Variants in NXPE2 observed in about 807,000 individuals in gnomAD.
NXPE2 encodes neurexophilin and PC-esterase domain family member 2.
A neutral mutation model predicts 34.4 loss-of-function variants in NXPE2; 34 were observed. The observed-to-expected ratio is 0.99, with a 90% confidence interval of 0.75 to 1.31. The LOEUF is 1.31. NXPE2 is among the 40% of genes most tolerant of loss of function. NXPE2 has a pLI of 0.00. For missense variants in NXPE2, 649 were observed against 672.5 expected, an observed-to-expected ratio of 0.97 and a Z score of 0.39; for synonymous variants, 235 against 231.3, an observed-to-expected ratio of 1.02 and a Z score of -0.15.
chr11:114,529,036 G>GA, the NXPE2 span: 10 of 403,466 alleles, frequency 2.5e-5, no homozygotes, highest in Non-Finnish European at 4.4e-5. Context: ...TAAGATTCTG[G>GA]AATGCATGTT....
At chr11:114,577,410 C>T in the NXPE2 span, among the ~76,000 whole-genome samples, 1 of 151,798 alleles carries the variant, frequency 6.6e-6, no homozygotes, top group Non-Finnish European at 1.5e-5. Flanking sequence ...AAAGGGTCAG[C>T]GTTGGCGAGG....
At chr11:114,471,306 A>G in the NXPE2 span, among the ~76,000 whole-genome samples, 1 of 150,516 alleles carries the variant, frequency 6.6e-6, no homozygotes, top group South Asian at 2.1e-4. Context: ...TAATTTTTGT[A>G]TATGGTGTGA....
the NXPE2 span, among the ~76,000 whole-genome samples, chr11:114,759,064 G>A: frequency 0.46 from 69,114 of 151,792 alleles, 16,036 homozygotes; most frequent in East Asian, 0.49. Context: ...ACACACGTGC[G>A]CAAACACACA....
chr11:114,522,958 A>G, the NXPE2 span: 2 of 1,613,758 alleles, frequency 1.2e-6, no homozygotes, highest in Non-Finnish European at 1.7e-6. Context: ...TGCCTTTCAA[A>G]CAGCCATTTA....
chr11:114,657,396 A>G, the NXPE2 span, among the ~76,000 whole-genome samples: 7 of 152,192 alleles, frequency 4.6e-5, no homozygotes, highest in Non-Finnish European at 7.4e-5. Flanking sequence ...CATTTTCTCT[A>G]ATTTGAATGT....
At chr11:114,515,777 GCAATTCA>G in the NXPE2 span, among the ~76,000 whole-genome samples, 9 of 98,700 alleles carry the variant, frequency 9.1e-5, 2 homozygotes, top group African/African-American at 5.1e-4. Flanking sequence ...CTGAAGTAGA[GCAATTCA>G]GGTGATAACA....
chr11:114,809,363 G>A, the NXPE2 span, among the ~76,000 whole-genome samples: 2 of 151,826 alleles, frequency 1.3e-5, no homozygotes, highest in African/African-American at 2.4e-5. Flanking sequence ...GCAGGAGAAG[G>A]AAAGAAAGGG....
chr11:114,485,745 G>A, the NXPE2 span, among the ~76,000 whole-genome samples: 1 of 152,054 alleles, frequency 6.6e-6, no homozygotes, highest in Admixed American at 6.6e-5. Context: ...GTGAGAACAC[G>A]TGAAGTTTTT....
At chr11:114,503,838 G>A in the NXPE2 span, among the ~76,000 whole-genome samples, 1 of 152,366 alleles carries the variant, frequency 6.6e-6, no homozygotes, top group African/African-American at 2.4e-5. Flanking sequence ...CCTACTGTCA[G>A]ACCTGATCTC....
At chr11:114,725,304 C>T in the NXPE2 span, among the ~76,000 whole-genome samples, 1 of 152,054 alleles carries the variant, frequency 6.6e-6, no homozygotes, top group African/African-American at 2.4e-5. Context: ...CCTTGACATC[C>T]ATTTTTAAAC....
chr11:114,651,735 A>T, the NXPE2 span, among the ~76,000 whole-genome samples: 8 of 152,148 alleles, frequency 5.3e-5, no homozygotes, highest in Admixed American at 5.2e-4. Context: ...TTACACACAG[A>T]GCGCTGATTG....
At chr11:114,755,473 C>A in the NXPE2 span, among the ~76,000 whole-genome samples, 1 of 152,140 alleles carries the variant, frequency 6.6e-6, no homozygotes, top group East Asian at 1.9e-4. Context: ...ATCCATGTAG[C>A]CTGCATATCC....
chr11:114,640,395 A>C, the NXPE2 span, among the ~76,000 whole-genome samples: 3 of 150,948 alleles, frequency 2.0e-5, no homozygotes, highest in Non-Finnish European at 4.4e-5. Flanking sequence ...TGTGTTCGTC[A>C]GTTGTGAATT....
At chr11:114,691,733 A>G (rs1396840373) in intron 2 of NXPE2, among the ~76,000 whole-genome samples, 1 of 152,184 alleles carries the variant, frequency 6.6e-6, no homozygotes, top group African/African-American at 2.4e-5. Flanking sequence ...AGTTGGTGCC[A>G]TGCTTGCATT....
chr11:114,569,955 G>T, the NXPE2 span, among the ~76,000 whole-genome samples: 1 of 152,152 alleles, frequency 6.6e-6, no homozygotes, highest in African/African-American at 2.4e-5. Context: ...TAGGCCCAGA[G>T]AGTGCCTGCT....
chr11:114,610,212 A>G, the NXPE2 span, among the ~76,000 whole-genome samples: 4 of 151,246 alleles, frequency 2.6e-5, no homozygotes, highest in African/African-American at 9.7e-5. Context: ...ACTGTTACCC[A>G]GTCAATAATA....
chr11:114,568,759 T>C, the NXPE2 span, among the ~76,000 whole-genome samples: 1 of 152,280 alleles, frequency 6.6e-6, no homozygotes, highest in African/African-American at 2.4e-5. Flanking sequence ...TCTAAATACC[T>C]AGTCACCTCC....
the NXPE2 span, chr11:114,594,583 G>A: frequency 1.2e-6 from 1 of 861,288 alleles, no homozygotes; most frequent in East Asian, 2.4e-5. Context: ...TACAAGTCTT[G>A]TAGTTTAGCC....
At chr11:114,724,096 A>G in the NXPE2 span, among the ~76,000 whole-genome samples, 1 of 152,176 alleles carries the variant, frequency 6.6e-6, no homozygotes, top group African/African-American at 2.4e-5. Context: ...AATAGCAGCA[A>G]CAATCATCCT....
Sources: allele counts gnomAD v4.1 joint callset (sites outside exome capture counted in the v4.1 genomes callset), GRCh38; gene constraint gnomAD v4.1.1; transcripts MANE v1.5; gene names NCBI Gene and HGNC (gene_info 2026-07-23, HGNC 2026-07-21).